Variants in D2HGDH observed in about 807,000 individuals in gnomAD.
The protein encoded by D2HGDH is D-2-hydroxyglutarate dehydrogenase, mitochondrial.
D2HGDH carries 31 observed loss-of-function variants against 46.9 expected under a neutral mutation model. The observed-to-expected ratio is 0.66, with a 90% CI of 0.50 to 0.89. The LOEUF is 0.89. Ranked by LOEUF, D2HGDH falls within the 40% of genes least tolerant of loss-of-function variation. The pLI is 0.00. For synonymous variants in D2HGDH, 364 were observed against 332.6 expected (o/e 1.09, Z -1.03); for missense variants, 698 against 720.8 (o/e 0.97, Z 0.36).
At chr2:241,758,484 C>G (rs2125163472) in intron 9 of D2HGDH, among the ~76,000 whole-genome samples, 1 of 152,172 alleles carries the variant, frequency 6.6e-6, no homozygotes, top group African/African-American at 2.4e-5. Flanking sequence ...GCCCCCACAC[C>G]CTTTTTTTTG....
At chr2:241,744,535 CCTGGG>C (rs1358244391) in intron 5 of D2HGDH, among the ~76,000 whole-genome samples, 169 bp from the exon 6 acceptor site, 1 of 152,190 alleles carries the variant, frequency 6.6e-6, no homozygotes, top group Non-Finnish European at 1.5e-5. Flanking sequence ...GGGCGTGCCC[CCTGGG>C]CAGTGAGCTG....
chr2:241,761,835 G>A (rs1028482583), intron 9 of D2HGDH, among the ~76,000 whole-genome samples: 10 of 152,080 alleles, frequency 6.6e-5, no homozygotes, highest in East Asian at 1.9e-4. Flanking sequence ...AATAGGTGAC[G>A]GAACAGCTCA....
chr2:241,763,159 G>T (rs953990665), intron 9 of D2HGDH, among the ~76,000 whole-genome samples: 6 of 152,188 alleles, frequency 3.9e-5, no homozygotes, highest in African/African-American at 1.4e-4. Context: ...AATACAGTTG[G>T]GTGTTGCTGA....
intron 8 of D2HGDH, among the ~76,000 whole-genome samples, chr2:241,752,210 C>CT (rs964529588): frequency 2.0e-5 from 3 of 152,208 alleles, no homozygotes; most frequent in Non-Finnish European, 4.4e-5. Context: ...TGCCGCCTGA[C>CT]TGTCATGATT....
rs1559357031 is a variant in D2HGDH at position 241,742,722 on chromosome 2, C to T, written c.490+148C>T. The T allele has an allele frequency of 9.6e-7, 1 of 1,042,466 alleles. No homozygotes were observed. 64.6% of individuals were successfully genotyped at this position (1,042,466 alleles called of 1,614,324 possible). A position where few individuals can be genotyped will look rare whatever the true frequency, so the allele number is the denominator to read the frequency against. On this transcript the variant is annotated intron_variant, in intron 4 of 9. Coordinates refer to ENST00000321264, the MANE Select transcript of D2HGDH (RefSeq NM_152783.5). The surrounding 1 kb of genome is among the most constrained non-coding windows in gnomAD (Gnocchi z 4.8). ...AAAGAACCAGCGTCTGTAGCCTGGC[C>T]GCCTAGCCCCACCTCGCCCGGCCCC...
rs958984525 is a variant in D2HGDH at position 241,735,183 on chromosome 2, C to T, written c.-42C>T. 42 of 1,485,596 alleles carry T rather than the reference C, an allele frequency of 2.8e-5. No homozygotes were observed. In the African/African-American group the frequency reaches 3.7e-4, roughly 13 times the overall value. 92.0% of individuals were successfully genotyped at this position (1,485,596 alleles called of 1,614,324 possible). A position where few individuals can be genotyped will look rare whatever the true frequency, so the allele number is the denominator to read the frequency against. On this transcript the variant is annotated 5_prime_UTR_variant, in exon 2 of 10. Coordinates refer to ENST00000321264, the MANE Select transcript of D2HGDH (RefSeq NM_152783.5). Reference sequence around the variant, plus strand: ...TTCCCCTCCGGGCCCTGAGTACCGGCCCCCCACCAAGGAGGAGCCCGAGGT... The same window carrying T: ...TTCCCCTCCGGGCCCTGAGTACCGGTCCCCCACCAAGGAGGAGCCCGAGGT...
At chr2:241,736,654 G>A (rs180677111) in intron 2 of D2HGDH, among the ~76,000 whole-genome samples, 127 of 149,954 alleles carry the variant, frequency 8.5e-4, no homozygotes, top group African/African-American at 3.0e-3. Context: ...AATTACATCT[G>A]CAAAGACCGT....
At position 241,735,356 on chromosome 2, in the gene D2HGDH, G is replaced by A; in HGVS notation, c.132G>A (p.Glu44=). Residue 44 remains glutamate, a synonymous_variant, in exon 2 of 10, where the codon GAG becomes GAA. Transcript: ENST00000321264. ...GCTGCTCCGCCCCGGGGACCCCCGA[G>A]GTGCCGCTGACCCGGGAGCGCTACC... ...RGCCSAPGTP[E]VPLTRERYPV... is the part of the protein sequence containing the mutation. 2 of 1,563,608 alleles carry A rather than the reference G, an allele frequency of 1.3e-6. No individual in the cohort carries two copies. Among genetic ancestry groups the A allele is most frequent in the Non-Finnish European group, 1.7e-6 (2 of 1,158,646 alleles).
rs1351160687 is a variant in D2HGDH, at chr2:241,768,358, G to A, written c.*389G>A. The A allele has an allele frequency of 4.6e-5, 10 of 218,030 alleles. No homozygotes were observed. The highest frequency in any genetic ancestry group is 2.2e-4 in the East Asian group (2 of 8,936). 13.5% of individuals were successfully genotyped at this position (218,030 alleles called of 1,614,324 possible). On this transcript the variant is annotated 3_prime_UTR_variant, in exon 10 of 10. Transcript: ENST00000321264. ...TCTGCCTGCTTGCTGCTCGTTCCCC[G>A]GGCATGCGTGGGCAGCGGGGGGCAT...
At chr2:241,736,422 G>T (rs560092938) in intron 2 of D2HGDH, among the ~76,000 whole-genome samples, 2 of 134,286 alleles carry the variant, frequency 1.5e-5, no homozygotes, top group Non-Finnish European at 3.4e-5. Flanking sequence ...GGGTATCACA[G>T]GGCTGCGCTC....
intron 9 of D2HGDH, among the ~76,000 whole-genome samples, chr2:241,761,279 C>T (rs1040142148): frequency 2.0e-5 from 3 of 152,202 alleles, no homozygotes; most frequent in African/African-American, 7.2e-5. Context: ...TGGCTCACGT[C>T]TGTAATCCCA....
intron 2 of D2HGDH, among the ~76,000 whole-genome samples, chr2:241,738,437 C>T (rs141714298): frequency 5.3e-5 from 8 of 152,346 alleles, no homozygotes; most frequent in East Asian, 1.9e-4. Flanking sequence ...AGGAACCTAG[C>T]GTGAGCCTTG....
intron 9 of D2HGDH, among the ~76,000 whole-genome samples, chr2:241,759,615 G>A (rs1698549714): frequency 2.6e-5 from 4 of 152,220 alleles, no homozygotes; most frequent in African/African-American, 9.6e-5. Context: ...TTGAATGAGA[G>A]CGTTTGGCTG....
intron 9 of D2HGDH, among the ~76,000 whole-genome samples, chr2:241,757,070 A>G (rs1698261290): frequency 6.6e-6 from 1 of 152,202 alleles, no homozygotes; most frequent in Admixed American, 6.5e-5. Context: ...ACGTGACGAC[A>G]ATAACACGTA....
chr2:241,741,806 T>C (rs1334026161), intron 3 of D2HGDH, among the ~76,000 whole-genome samples: 3 of 140,608 alleles, frequency 2.1e-5, no homozygotes, highest in Non-Finnish European at 4.7e-5. Context: ...TGTGTGGGGC[T>C]TGCTGCCTCC....
At chr2:241,760,973 C>T (rs2125168976) in intron 9 of D2HGDH, among the ~76,000 whole-genome samples, 1 of 152,334 alleles carries the variant, frequency 6.6e-6, no homozygotes, top group East Asian at 1.9e-4. Context: ...CTCTTGCTCG[C>T]ACTGTCTGTA....
At chr2:241,750,130 A>G in intron 6 of D2HGDH, 21 bp from the exon 7 acceptor site, 1 of 1,613,744 alleles carries the variant, frequency 6.2e-7, no homozygotes, top group Non-Finnish European at 8.5e-7. Context: ...GTGGTGCTTG[A>G]CATGCTGTGA....
At chr2:241,755,549 C>T in intron 8 of D2HGDH, 1 of 1,410,640 alleles carries the variant, frequency 7.1e-7, no homozygotes. Context: ...TTGCCGGAGT[C>T]CCAGGGTGCT....
In D2HGDH at chr2:241,750,234, A is replaced by T; in HGVS notation, c.937A>T (p.Met313Leu). Residue 313 changes from methionine (M) to leucine (L), a missense_variant, in exon 7 of 10, where the codon ATG becomes TTG. Transcript: ENST00000321264. ...TGAGATCCTGTCTGCATTCGAGTTCATGGATGCTGTGTGCATGCAGCTGGT... is the reference window on the plus strand; with the variant it reads ...TGAGATCCTGTCTGCATTCGAGTTCTTGGATGCTGTGTGCATGCAGCTGGT... ...LGEILSAFEFMDAVCMQLVGR... is the reference protein window; with the variant it reads ...LGEILSAFEFLDAVCMQLVGR... 1 of 1,614,040 alleles carries T rather than the reference A, an allele frequency of 6.2e-7. No individual in the cohort carries two copies. Among genetic ancestry groups the T allele is most frequent in the Non-Finnish European group, 8.5e-7 (1 of 1,180,030 alleles).
Sources: allele counts gnomAD v4.1 joint callset (sites outside exome capture counted in the v4.1 genomes callset), GRCh38; gene constraint gnomAD v4.1.1; non-coding constraint Gnocchi (gnomAD v3.1); transcripts MANE v1.5; gene names NCBI Gene and HGNC (gene_info 2026-07-23, HGNC 2026-07-21).